The following DPP6 variants were observed in gnomAD, a reference collection of about 807,000 sequenced individuals.
DPP6 encodes the protein A-type potassium channel modulatory protein DPP6.
In DPP6, 69 loss-of-function variants were observed where a neutral mutation model predicts 122.6. The ratio of observed to expected loss-of-function variants is 0.56; its 90% CI spans 0.46 to 0.69. The LOEUF (loss-of-function observed/expected upper bound fraction) is 0.69, where lower values mean the gene tolerates loss of function less well. Ranked by LOEUF, DPP6 falls within the 30% of genes least tolerant of loss-of-function variation. The pLI, the probability that DPP6 is intolerant of heterozygous loss-of-function variation, is 0.00. For synonymous variants in DPP6, 418 were observed against 433.1 expected, an observed-to-expected ratio of 0.97 and a Z score of 0.43; for missense variants, 928 against 1,116.9, an observed-to-expected ratio of 0.83 and a Z score of 2.41.
rs150831408 is a variant in DPP6, at chr7:154,334,339, CAAG to C, written c.244-111871_244-111869del. On this transcript the variant is annotated intron_variant, in intron 1 of 25. Coordinates refer to ENST00000377770, the MANE Select transcript of DPP6 (RefSeq NM_130797.4). ...AAGGGAAAGCAGTAAGATGCAAAAG[CAAG>C]AAGGACAGATGATGTTCATACTCAC... 6.5e-4 allele frequency among the ~76,000 whole-genome samples: 99 copies of C among 152,316 alleles called. 1 individual carries two copies. The East Asian group carries it at 0.016, about 25-fold the overall frequency.
At chr7:154,474,606 C>T (rs979256858) in intron 2 of DPP6, among the ~76,000 whole-genome samples, 5 of 152,178 alleles carry the variant, frequency 3.3e-5, no homozygotes, top group African/African-American at 1.2e-4. Context: ...TTCTGGATAT[C>T]CGTATCTTCC....
intron 1 of DPP6, among the ~76,000 whole-genome samples, chr7:154,329,484 A>C (rs939823566): frequency 6.6e-6 from 1 of 152,268 alleles, no homozygotes; most frequent in African/African-American, 2.4e-5. Flanking sequence ...CCACAAGGAG[A>C]TACTATCTCA....
chr7:154,516,694 A>C (rs2129899654), intron 3 of DPP6, among the ~76,000 whole-genome samples: 1 of 152,344 alleles, frequency 6.6e-6, no homozygotes, highest in African/African-American at 2.4e-5. Context: ...AAAAATAATA[A>C]AATGAAAATA....
At chr7:154,189,429 T>G (rs1470435548) in intron 1 of DPP6, among the ~76,000 whole-genome samples, 2 of 152,180 alleles carry the variant, frequency 1.3e-5, no homozygotes, top group Non-Finnish European at 2.9e-5. Flanking sequence ...CAGCAGCTAT[T>G]AAAATAACTA....
intron 5 of DPP6, among the ~76,000 whole-genome samples, chr7:154,590,177 C>A (rs1832718795): frequency 6.6e-6 from 1 of 152,150 alleles, no homozygotes; most frequent in East Asian, 1.9e-4. Flanking sequence ...AGGCAGATGA[C>A]CCTGCAGTGA....
rs990146226 is a variant in DPP6, at chr7:154,128,134, A to G, written c.243+75071A>G. 8.0e-5 allele frequency among the ~76,000 whole-genome samples: 12 copies of G among 150,644 alleles called. 1 individual carries two copies. Among genetic ancestry groups the G allele is most frequent in the African/African-American group, 3.0e-4 (12 of 40,676 alleles). The stretch of plus-strand genomic sequence containing the variant: ...CACAGCTGGCCTCTCTGCCCCATGC[A>G]TGACTTGCCACATCCCTGAAATACG... On this transcript the variant is annotated intron_variant, in intron 1 of 25. Coordinates refer to ENST00000377770, the MANE Select transcript of DPP6 (RefSeq NM_130797.4).
chr7:153,760,710 A>G, the DPP6 span, among the ~76,000 whole-genome samples: 1 of 152,088 alleles, frequency 6.6e-6, no homozygotes, highest in African/African-American at 2.4e-5. Flanking sequence ...ATTCTATGAA[A>G]TGTCCATGAA....
At chr7:154,732,398 T>C (rs2131380201) in intron 8 of DPP6, among the ~76,000 whole-genome samples, 1 of 152,376 alleles carries the variant, frequency 6.6e-6, no homozygotes, top group African/African-American at 2.4e-5. Flanking sequence ...ATACTTCTTT[T>C]ACCAAAGCAG....
chr7:154,575,362 GTGA>G (rs1831529338), intron 5 of DPP6, among the ~76,000 whole-genome samples: 1 of 108,170 alleles, frequency 9.2e-6, no homozygotes, highest in Admixed American at 9.9e-5. Flanking sequence ...TGGTGTGTGT[GTGA>G]TGTGTGTGTA....
At chr7:154,192,749 T>C (rs1469611362) in intron 1 of DPP6, among the ~76,000 whole-genome samples, 2 of 152,242 alleles carry the variant, frequency 1.3e-5, no homozygotes, top group African/African-American at 4.8e-5. Context: ...GGAATAGAAA[T>C]ACGGAATTTT....
At chr7:154,085,500 ATAAG>A (rs1786077402) in intron 1 of DPP6, among the ~76,000 whole-genome samples, 1 of 152,180 alleles carries the variant, frequency 6.6e-6, no homozygotes, top group Non-Finnish European at 1.5e-5. Context: ...GTGATACCTA[ATAAG>A]TAAGTTTTTA....
At chr7:154,390,952 T>A (rs920910370) in intron 1 of DPP6, among the ~76,000 whole-genome samples, 1 of 152,194 alleles carries the variant, frequency 6.6e-6, no homozygotes, top group Non-Finnish European at 1.5e-5. Flanking sequence ...CCACCGTTTC[T>A]AACCATGTGA....
At chr7:154,435,969 T>C (rs1032534331) in intron 1 of DPP6, among the ~76,000 whole-genome samples, 11 of 152,184 alleles carry the variant, frequency 7.2e-5, no homozygotes, top group Non-Finnish European at 1.5e-4. Context: ...TTTACGGTGC[T>C]CAATTCCACA....
chr7:154,722,139 G>A (rs950588576), intron 7 of DPP6, among the ~76,000 whole-genome samples: 15 of 152,176 alleles, frequency 9.9e-5, no homozygotes, highest in Admixed American at 7.9e-4. Flanking sequence ...AGGCTGCAGT[G>A]AGCTATGATC....
chr7:154,104,485 T>G (rs1805997286), intron 1 of DPP6, among the ~76,000 whole-genome samples: 1 of 152,212 alleles, frequency 6.6e-6, no homozygotes, highest in South Asian at 2.1e-4. Context: ...GAAGGTGTTT[T>G]CATGATTAAC....
chr7:154,509,544 A>G (rs1470528090), intron 3 of DPP6, among the ~76,000 whole-genome samples: 1 of 152,220 alleles, frequency 6.6e-6, no homozygotes, highest in Non-Finnish European at 1.5e-5. Flanking sequence ...AAAATGGTGT[A>G]ACCACTTTGG....
At position 154,241,219 on chromosome 7, in the gene DPP6, G is replaced by GTATATA. The variant is rs796798929; in HGVS notation, c.243+188163_243+188168dup. Among the ~76,000 whole-genome samples, 12 of 142,868 alleles carry GTATATA rather than the reference G, an allele frequency of 8.4e-5. No homozygotes were observed. The highest frequency in any genetic ancestry group is 3.2e-4 in the African/African-American group (11 of 34,680). The allele number at this position is 142,868 out of a possible 152,430, so 93.7% of individuals were successfully genotyped here. On this transcript the variant is annotated intron_variant, in intron 1 of 25. Coordinates refer to ENST00000377770, the MANE Select transcript of DPP6 (RefSeq NM_130797.4). The surrounding 1 kb of genome is among the most constrained non-coding windows in gnomAD (Gnocchi z 9.0). ...TGTGTGTGTGTGTGTGTGTGTGTGT[G>GTATATA]TATATATATATAGAGAGAGAGAGAG... is the stretch of plus-strand genomic sequence containing the variant.
At chr7:153,837,634 G>T in the DPP6 span, among the ~76,000 whole-genome samples, 1 of 151,992 alleles carries the variant, frequency 6.6e-6, no homozygotes, top group Non-Finnish European at 1.5e-5. Context: ...TGTATAGAGG[G>T]TCACTGGTAA....
chr7:153,918,554 C>CACACAT (rs1554407135), intron 1 of DPP6, among the ~76,000 whole-genome samples: 1 of 135,634 alleles, frequency 7.4e-6, no homozygotes, highest in African/African-American at 3.0e-5. Context: ...CACACACACA[C>CACACAT]ACACACACAC....
Sources: allele counts gnomAD v4.1 joint callset (sites outside exome capture counted in the v4.1 genomes callset), GRCh38; gene constraint gnomAD v4.1.1; non-coding constraint Gnocchi (gnomAD v3.1); transcripts MANE v1.5; gene names NCBI Gene and HGNC (gene_info 2026-07-23, HGNC 2026-07-21).